The following MAP3K7 variants were observed in gnomAD, a reference collection of about 807,000 sequenced individuals.
The protein encoded by MAP3K7 is mitogen-activated protein kinase kinase kinase 7.
In MAP3K7, 21 loss-of-function variants were observed where a neutral mutation model predicts 84.8. That is an observed-to-expected ratio of 0.25 (90% CI 0.18 to 0.36). The LOEUF is 0.36. MAP3K7 is among the 10% of genes least tolerant of loss of function. The pLI is 1.00. For synonymous variants in MAP3K7, 241 were observed against 247.7 expected, an observed-to-expected ratio of 0.97 and a Z score of 0.25; for missense variants, 503 against 747.7, an observed-to-expected ratio of 0.67 and a Z score of 3.82.
intron 8 of MAP3K7, chr6:90,551,579 C>T (rs1776179916): frequency 6.6e-6 from 1 of 152,182 alleles, no homozygotes; most frequent in Admixed American, 6.5e-5. Flanking sequence ...GTAAAAGTCA[C>T]TCAAATAAAT....
rs539020230 is a variant in MAP3K7 at position 90,571,531 on chromosome 6, T to A, written c.231+166A>T. On this transcript the variant is annotated intron_variant, in intron 2 of 16. Transcript: ENST00000369329. ...CCTAATTTTTAATCAGAATTAAGAGTATGAACGAGAAAATGTTCCTATGGC... is the reference window on the plus strand; with the variant it reads ...CCTAATTTTTAATCAGAATTAAGAGAATGAACGAGAAAATGTTCCTATGGC... 9.5e-4 allele frequency among the ~76,000 whole-genome samples: 144 copies of A among 152,102 alleles called. 2 individuals carry two copies. In the South Asian group the frequency reaches 0.023, roughly 24 times the overall value.
At chr6:90,539,128 A>G (rs1775772862) in intron 12 of MAP3K7, among the ~76,000 whole-genome samples, 1 of 151,938 alleles carries the variant, frequency 6.6e-6, no homozygotes, top group African/African-American at 2.4e-5. Flanking sequence ...TTTAAAATAT[A>G]TGTTCTAATT....
At chr6:90,575,830 G>A (rs779439571) in intron 1 of MAP3K7, among the ~76,000 whole-genome samples, 12 of 152,108 alleles carry the variant, frequency 7.9e-5, no homozygotes, top group Admixed American at 3.3e-4. Context: ...AATGAACTTC[G>A]TTTGTTTACT....
chr6:90,536,350 G>A lies in MAP3K7; in HGVS notation c.1343C>T (p.Thr448Ile), dbSNP rs1416547471. The A allele has an allele frequency of 6.2e-7, 1 of 1,611,948 alleles. No homozygotes were observed. Among genetic ancestry groups the A allele is most frequent in the Non-Finnish European group, 8.5e-7 (1 of 1,178,434 alleles). Residue 448 changes from threonine (T) to isoleucine (I), a missense_variant, in exon 13 of 17, where the codon ACA (threonine) becomes ATA (isoleucine). Physicochemically the swap from Thr to Ile is moderately conservative, Grantham distance 89. Transcript: ENST00000369329. ...ATGTTGTCTTACCTGACCAGGTTCT[G>A]TTCCAGTTACAGTCAAGTCTTGGAT... Reference protein sequence around the residue: ...RSIQDLTVTGTEPGQVSSRSS... With the variant: ...RSIQDLTVTGIEPGQVSSRSS...
At chr6:90,554,159 G>A (rs1776265511) in intron 6 of MAP3K7, among the ~76,000 whole-genome samples, 1 of 152,042 alleles carries the variant, frequency 6.6e-6, no homozygotes. Context: ...CTCCTGCTCT[G>A]GCCTCCCGAG....
At chr6:90,534,475 T>C (rs1582176858) in intron 13 of MAP3K7, among the ~76,000 whole-genome samples, 1 of 152,276 alleles carries the variant, frequency 6.6e-6, no homozygotes, top group East Asian at 1.9e-4. Context: ...GAACAGGTTT[T>C]ACTGCCATAT....
At chr6:90,575,819 T>C (rs1005086862) in intron 1 of MAP3K7, among the ~76,000 whole-genome samples, 1 of 152,128 alleles carries the variant, frequency 6.6e-6, no homozygotes, top group African/African-American at 2.4e-5. Flanking sequence ...GTTGAAAGAA[T>C]AATGAACTTC....
At chr6:90,524,326 T>C (rs922689625) in intron 13 of MAP3K7, among the ~76,000 whole-genome samples, 7 of 152,160 alleles carry the variant, frequency 4.6e-5, no homozygotes, top group Non-Finnish European at 7.4e-5. Context: ...AGAAATGTAT[T>C]AACTGTGAAT....
intron 13 of MAP3K7, among the ~76,000 whole-genome samples, chr6:90,535,579 TA>T (rs1015824648): frequency 2.0e-5 from 3 of 152,040 alleles, no homozygotes; most frequent in Non-Finnish European, 4.4e-5. Flanking sequence ...GAATATAGTA[TA>T]TAATAAATTA....
chr6:90,531,230 G>A (rs1044782021), intron 13 of MAP3K7, among the ~76,000 whole-genome samples: 1 of 152,070 alleles, frequency 6.6e-6, no homozygotes, highest in African/African-American at 2.4e-5. Context: ...CAAAAATAAA[G>A]CTCAGCTTTT....
At chr6:90,579,003 A>T (rs1777178956) in intron 1 of MAP3K7, among the ~76,000 whole-genome samples, 2 of 152,132 alleles carry the variant, frequency 1.3e-5, no homozygotes. Flanking sequence ...AGAGAAGAAA[A>T]CCAAGGCTCC....
intron 2 of MAP3K7, among the ~76,000 whole-genome samples, chr6:90,569,724 C>G (rs1040808941): frequency 6.6e-6 from 1 of 152,146 alleles, no homozygotes; most frequent in Admixed American, 6.5e-5. Flanking sequence ...AGCAACCCAT[C>G]TGCCATTCCC....
At chr6:90,543,160 G>C (rs762845507) in intron 12 of MAP3K7, among the ~76,000 whole-genome samples, 5 of 151,990 alleles carry the variant, frequency 3.3e-5, no homozygotes, top group Non-Finnish European at 7.4e-5. Flanking sequence ...CCGCATGGAG[G>C]TAAACTGATC....
At chr6:90,536,312 A>G (rs1162237970) in intron 13 of MAP3K7, 25 bp downstream of exon 13, 1 of 1,583,006 alleles carries the variant, frequency 6.3e-7, no homozygotes, top group Admixed American at 1.7e-5. Flanking sequence ...TTCTTCAAAG[A>G]TAGAAAATTT....
intron 7 of MAP3K7, among the ~76,000 whole-genome samples, chr6:90,552,961 T>C (rs1195810911): frequency 6.6e-6 from 1 of 152,180 alleles, no homozygotes; most frequent in Non-Finnish European, 1.5e-5. Flanking sequence ...ATCTGTAAAA[T>C]GAGGCAACAG....
chr6:90,564,971 C>A (rs1041660169), intron 3 of MAP3K7, among the ~76,000 whole-genome samples: 1 of 152,004 alleles, frequency 6.6e-6, no homozygotes, highest in Admixed American at 6.6e-5. Flanking sequence ...GGGTACGTAA[C>A]GAAATGAAGG....
intron 3 of MAP3K7, 90 bp downstream of exon 3, chr6:90,568,465 AAAC>A: frequency 1.9e-6 from 2 of 1,058,938 alleles, no homozygotes; most frequent in African/African-American, 1.6e-5. Context: ...AACTTAAAAA[AAAC>A]AAAAAAACCC....
At chr6:90,581,324 C>G (rs1243013445) in intron 1 of MAP3K7, among the ~76,000 whole-genome samples, 1 of 152,128 alleles carries the variant, frequency 6.6e-6, no homozygotes, top group Non-Finnish European at 1.5e-5. Flanking sequence ...TGGCCCTGTT[C>G]TATGAACTAT....
At chr6:90,556,978 G>C (rs1776357131) in intron 5 of MAP3K7, among the ~76,000 whole-genome samples, 1 of 152,058 alleles carries the variant, frequency 6.6e-6, no homozygotes, top group Admixed American at 6.5e-5. Flanking sequence ...CCTGAAATGG[G>C]AGTTTAATCA....
Sources: allele counts gnomAD v4.1 joint callset (sites outside exome capture counted in the v4.1 genomes callset), GRCh38; gene constraint gnomAD v4.1.1; transcripts MANE v1.5; gene names NCBI Gene and HGNC (gene_info 2026-07-23, HGNC 2026-07-21).